The following TRIM67 variants were observed in gnomAD, a reference collection of about 807,000 sequenced individuals.
TRIM67 encodes tripartite motif containing 67.
A neutral mutation model predicts 71.0 loss-of-function variants in TRIM67; 39 were observed. The ratio of observed to expected loss-of-function variants is 0.55; its 90% CI spans 0.43 to 0.72. The LOEUF (loss-of-function observed/expected upper bound fraction) is 0.72, where lower values mean the gene tolerates loss of function less well. TRIM67 is among the 30% of genes least tolerant of loss of function. TRIM67 has a pLI of 0.00. For missense variants in TRIM67, 973 were observed against 1,079.2 expected (o/e 0.90, Z 1.38); for synonymous variants, 481 against 473.9 (o/e 1.01, Z -0.19).
intron 8 of TRIM67, among the ~76,000 whole-genome samples, chr1:231,210,715 T>C (rs111722718): frequency 1.8e-4 from 28 of 151,984 alleles, no homozygotes; most frequent in African/African-American, 6.3e-4. Context: ...CTTGCAAAGG[T>C]ACTATTATTG....
At chr1:231,211,651 C>G (rs1683875052) in intron 8 of TRIM67, among the ~76,000 whole-genome samples, 1 of 152,256 alleles carries the variant, frequency 6.6e-6, no homozygotes, top group Non-Finnish European at 1.5e-5. Flanking sequence ...TCGGGACTTC[C>G]TGTCGTGAAT....
At chr1:231,190,222 G>T (rs545231877) in intron 1 of TRIM67, among the ~76,000 whole-genome samples, 20 of 152,298 alleles carry the variant, frequency 1.3e-4, no homozygotes, top group African/African-American at 4.8e-4. Context: ...CCTTCAAAGA[G>T]ATCTAGTCTG....
chr1:231,178,837 A>G (rs1682825892), intron 1 of TRIM67, among the ~76,000 whole-genome samples: 1 of 152,212 alleles, frequency 6.6e-6, no homozygotes, highest in Non-Finnish European at 1.5e-5. Flanking sequence ...GTGAGGATGA[A>G]GTCAGATGAG....
At chr1:231,168,121 T>A (rs775964600) in intron 1 of TRIM67, among the ~76,000 whole-genome samples, 1 of 152,074 alleles carries the variant, frequency 6.6e-6, no homozygotes, top group Non-Finnish European at 1.5e-5. Flanking sequence ...CCCACCACCA[T>A]GCCTGGCTAA....
intron 1 of TRIM67, chr1:231,187,498 TAAA>T (rs370215367): frequency 3.5e-6 from 4 of 1,142,960 alleles, no homozygotes; most frequent in Admixed American, 2.6e-5. Flanking sequence ...AGCCACAGGT[TAAA>T]AAAAAAAAAC....
chr1:231,177,219 A>C (rs1682777470), intron 1 of TRIM67, among the ~76,000 whole-genome samples: 1 of 152,192 alleles, frequency 6.6e-6, no homozygotes, highest in Admixed American at 6.5e-5. Flanking sequence ...GACTAGAGAG[A>C]TGGGAGTTGA....
Position 231,216,236 on chromosome 1 carries a change from A to G in TRIM67, c.*796A>G. On this transcript the variant is annotated 3_prime_UTR_variant, in exon 10 of 10. Coordinates refer to ENST00000366653, the MANE Select transcript of TRIM67 (RefSeq NM_001004342.5). ...TCCTCCTTCTCTCTTACTTTCCTCC[A>G]TCCCTGCCTCTTTCTTCCCTCTTTC... The G allele has an allele frequency of 1.0e-6, 1 of 959,102 alleles. No homozygotes were observed. Among genetic ancestry groups the G allele is most frequent in the Non-Finnish European group, 1.2e-6 (1 of 811,398 alleles). 59.4% of individuals were successfully genotyped at this position (959,102 alleles called of 1,614,324 possible).
At position 231,209,831 on chromosome 1, in the gene TRIM67, G is replaced by T. The variant is rs1365694201; in HGVS notation, c.2123+581G>T. Among the ~76,000 whole-genome samples, 2 of 152,186 alleles carry T rather than the reference G, an allele frequency of 1.3e-5. No individual in the cohort carries two copies. Among genetic ancestry groups the T allele is most frequent in the African/African-American group, 4.8e-5 (2 of 41,444 alleles). Reference sequence around the variant, plus strand: ...GTGGCTTTGCCCTGAGACTGGCCCTGGGAGTAGGGTCACCAGCATGGACAC... The same window carrying T: ...GTGGCTTTGCCCTGAGACTGGCCCTTGGAGTAGGGTCACCAGCATGGACAC... On this transcript the variant is annotated intron_variant, in intron 8 of 9. Coordinates refer to ENST00000366653, the MANE Select transcript of TRIM67 (RefSeq NM_001004342.5). The surrounding 1 kb of genome is among the most constrained non-coding windows in gnomAD (Gnocchi z 4.1).
At chr1:231,214,659 G>A (rs1313789173) in intron 9 of TRIM67, among the ~76,000 whole-genome samples, 3 of 151,478 alleles carry the variant, frequency 2.0e-5, no homozygotes, top group Non-Finnish European at 4.4e-5. Flanking sequence ...GGTGCCTGTA[G>A]TCCCAGCTAC....
intron 1 of TRIM67, among the ~76,000 whole-genome samples, chr1:231,165,936 G>A (rs547743812): frequency 6.6e-6 from 1 of 152,286 alleles, no homozygotes; most frequent in South Asian, 2.1e-4. Context: ...GTTGAGATGA[G>A]AATTTGCAAT....
At chr1:231,181,761 C>T (rs1682913464) in intron 1 of TRIM67, among the ~76,000 whole-genome samples, 1 of 152,166 alleles carries the variant, frequency 6.6e-6, no homozygotes, top group African/African-American at 2.4e-5. Flanking sequence ...ATACATTCAA[C>T]TCCTGGAATA....
intron 1 of TRIM67, among the ~76,000 whole-genome samples, chr1:231,193,241 A>G (rs1211840473): frequency 6.6e-6 from 1 of 152,150 alleles, no homozygotes; most frequent in African/African-American, 2.4e-5. Context: ...TTGAGCTCCT[A>G]CTTTGTGCAG....
Position 231,217,687 on chromosome 1 carries a change from C to T in TRIM67, c.*2247C>T. The T allele has an allele frequency of 8.4e-7, 1 of 1,196,294 alleles. No individual in the cohort carries two copies. 74.1% of individuals were successfully genotyped at this position (1,196,294 alleles called of 1,614,324 possible). ...TCTCACAGGGGAGCCCTGGGGAAGG[C>T]TGTGGAGCCTCCACCATCACCACAG... On this transcript the variant is annotated 3_prime_UTR_variant, in exon 10 of 10. Transcript: ENST00000366653.
At position 231,187,688 on chromosome 1, in the gene TRIM67, A is replaced by G. The variant is rs1683124144; in HGVS notation, c.1045-9683A>G. The stretch of plus-strand genomic sequence containing the variant: ...TGGGGCATCAAACTGCAGGAGGCGG[A>G]GTGGGAGAGGCGGGGTGGGAAAGGC... On this transcript the variant is annotated intron_variant, in intron 1 of 9. Transcript: ENST00000366653. 1.4e-5 allele frequency: 13 copies of G among 927,486 alleles called. No individual in the cohort carries two copies. The South Asian group carries it at 1.7e-4, about 12-fold the overall frequency. The allele number at this position is 927,486 out of a possible 1,614,324, so 57.5% of individuals were successfully genotyped here. A position where few individuals can be genotyped will look rare whatever the true frequency, so the allele number is the denominator to read the frequency against.
intron 8 of TRIM67, among the ~76,000 whole-genome samples, chr1:231,212,883 G>A (rs1307203544): frequency 6.6e-6 from 1 of 152,128 alleles, no homozygotes; most frequent in African/African-American, 2.4e-5. Context: ...GTACGACGTT[G>A]CCAACACTGA....
rs766407651 is a variant in TRIM67 at position 231,201,280 on chromosome 1, C to T, written c.1375-78C>T. ...TCTCTGAGTCCCATAGAGACAAAGT[C>T]CCTACCTCTTCCTCACCCCTGGCTG... is the stretch of plus-strand genomic sequence containing the variant. On this transcript the variant is annotated intron_variant, in intron 4 of 9. Coordinates refer to ENST00000366653, the MANE Select transcript of TRIM67 (RefSeq NM_001004342.5). The T allele has an allele frequency of 2.4e-4, 357 of 1,475,488 alleles. 1 individual carries two copies. Among genetic ancestry groups the T allele is most frequent in the Non-Finnish European group, 3.1e-4 (339 of 1,096,320 alleles). The allele number at this position is 1,475,488 out of a possible 1,614,324, so 91.4% of individuals were successfully genotyped here. A position where few individuals can be genotyped will look rare whatever the true frequency, so the allele number is the denominator to read the frequency against.
Position 231,217,418 on chromosome 1 carries a change from G to A in TRIM67, c.*1978G>A. 3.0e-6 allele frequency: 3 copies of A among 987,862 alleles called. No individual in the cohort carries two copies. The highest frequency in any genetic ancestry group is 4.7e-5 in the South Asian group (1 of 21,436). The allele number at this position is 987,862 out of a possible 1,614,324, so 61.2% of individuals were successfully genotyped here. A position where few individuals can be genotyped will look rare whatever the true frequency, so the allele number is the denominator to read the frequency against. The stretch of plus-strand genomic sequence containing the variant: ...GACCTGGGACCCTGTGTCCTTGCCC[G>A]CACCTCTGCCTCTGTCTCCCATATC... On this transcript the variant is annotated 3_prime_UTR_variant, in exon 10 of 10. Coordinates refer to ENST00000366653, the MANE Select transcript of TRIM67 (RefSeq NM_001004342.5).
chr1:231,176,905 G>GAAAAAAAAAAAAAAAAAA (rs1208064270), intron 1 of TRIM67, among the ~76,000 whole-genome samples: 1 of 39,392 alleles, frequency 2.5e-5, no homozygotes, highest in Non-Finnish European at 3.7e-5. Flanking sequence ...ATACAATCTG[G>GAAAAAAAAAAAAAAAAAA]CAAAAAAAAA....
chr1:231,216,785 C>T lies in TRIM67; in HGVS notation c.*1345C>T. ...GATCCACATTGATTCATCCACACCT[C>T]TCAGAGACAGCTCATGGCAGGGGTT... On this transcript the variant is annotated 3_prime_UTR_variant, in exon 10 of 10. Coordinates refer to ENST00000366653, the MANE Select transcript of TRIM67 (RefSeq NM_001004342.5). 4.1e-6 allele frequency: 4 copies of T among 985,560 alleles called. No homozygotes were observed. The highest frequency in any genetic ancestry group is 4.8e-6 in the Non-Finnish European group (4 of 829,988). 61.1% of individuals were successfully genotyped at this position (985,560 alleles called of 1,614,324 possible).
Sources: allele counts gnomAD v4.1 joint callset (sites outside exome capture counted in the v4.1 genomes callset), GRCh38; gene constraint gnomAD v4.1.1; non-coding constraint Gnocchi (gnomAD v3.1); transcripts MANE v1.5; gene names NCBI Gene and HGNC (gene_info 2026-07-23, HGNC 2026-07-21).